CUX1: variants seen among roughly 807,000 people sequenced by gnomAD.
The protein encoded by CUX1 is protein CASP.
Under a neutral mutation model 158.8 loss-of-function variants are expected in CUX1, and 31 were observed. The observed-to-expected ratio is 0.20, with a 90% CI of 0.15 to 0.26. The LOEUF is 0.26. CUX1 is among the 10% of genes least tolerant of loss of function. The pLI is 1.00. For synonymous variants in CUX1, 879 were observed against 862.1 expected, an observed-to-expected ratio of 1.02 and a Z score of -0.34; for missense variants, 1,589 against 2,014.6, an observed-to-expected ratio of 0.79 and a Z score of 4.04.
At chr7:102,151,727 C>CAAAAAAA (rs1159017025) in intron 8 of CUX1, among the ~76,000 whole-genome samples, 4 of 38,880 alleles carry the variant, frequency 1.0e-4, no homozygotes, top group Non-Finnish European at 1.4e-4. Flanking sequence ...GACTCTGTCT[C>CAAAAAAA]AAAAAAAAAA....
rs151241171 is a variant in CUX1, at chr7:102,227,530, C to T, written c.3294C>T (p.Ser1098=). The T allele has an allele frequency of 8.5e-4, 1,374 of 1,614,122 alleles. No homozygotes were observed. Among genetic ancestry groups the T allele is most frequent in the Non-Finnish European group, 1.0e-3 (1,227 of 1,180,036 alleles). Residue 1098 remains serine, a synonymous_variant, in exon 21 of 24, where the codon TCC becomes TCT. Transcript: ENST00000292535. ...KPPEPSDPPA[S]DSQPTTPLPL... ...CAGAGCCCAGTGACCCGCCAGCATC[C>T]GACTCCCAGCCCACAACCCCGCTGC...
chr7:102,089,824 T>G (rs1554481676), intron 4 of CUX1, among the ~76,000 whole-genome samples: 1 of 152,252 alleles, frequency 6.6e-6, no homozygotes, highest in Non-Finnish European at 1.5e-5. Flanking sequence ...ATGTGTGTCC[T>G]TCAATGGACA....
chr7:102,215,181 A>G (rs560552703), intron 20 of CUX1, among the ~76,000 whole-genome samples: 15 of 151,216 alleles, frequency 9.9e-5, no homozygotes, highest in South Asian at 4.2e-4. Context: ...AAGACAGTCA[A>G]TGCTCCCCAG....
In CUX1 at chr7:102,248,270, CGA is replaced by C. The variant is rs1254855978; in HGVS notation, c.3888-140_3888-139del. 5.5e-6 allele frequency: 4 copies of C among 731,336 alleles called. No individual in the cohort carries two copies. The African/African-American group carries it at 7.6e-5, about 14-fold the overall frequency. 45.3% of individuals were successfully genotyped at this position (731,336 alleles called of 1,614,324 possible). On this transcript the variant is annotated intron_variant, in intron 23 of 23. Coordinates refer to ENST00000292535, the MANE Select transcript of CUX1 (RefSeq NM_181552.4). The surrounding 1 kb of genome is among the most constrained non-coding windows in gnomAD (Gnocchi z 5.8). ...TCTGGAGAGGGGCTGCCCCGTGGCC[CGA>C]GGGTCGCTGGAGGGGCACGGAGGGG...
intron 11 of CUX1, among the ~76,000 whole-genome samples, chr7:102,180,315 T>C (rs1040428186): frequency 1.1e-4 from 10 of 89,674 alleles, no homozygotes; most frequent in Non-Finnish European, 2.4e-4. Context: ...AGCCACTGCC[T>C]TTTTTTTTTT....
intron 3 of CUX1, among the ~76,000 whole-genome samples, chr7:102,031,049 C>G (rs1481588888): frequency 6.6e-6 from 1 of 151,606 alleles, no homozygotes; most frequent in Non-Finnish European, 1.5e-5. Flanking sequence ...TCTCCATCAC[C>G]TTCATTTCTT....
chr7:102,176,255 A>G (rs868958397), intron 10 of CUX1, among the ~76,000 whole-genome samples: 1 of 152,232 alleles, frequency 6.6e-6, no homozygotes, highest in Admixed American at 6.5e-5. Flanking sequence ...CCTGTCCCCA[A>G]ATTTGAAAAT....
rs1298768744 is a variant in CUX1 at position 102,197,247 on chromosome 7, G to C, written c.1836G>C (p.Gln612His). 1.4e-5 allele frequency: 23 copies of C among 1,614,074 alleles called. No individual in the cohort carries two copies. Among genetic ancestry groups the C allele is most frequent in the Non-Finnish European group, 1.8e-5 (21 of 1,180,058 alleles). ...AGGAGCCATTTCACAAGATGAAACA[G>C]TTCCTCTCCGATGAGCAGAACATCC... is the stretch of plus-strand genomic sequence containing the variant. ...RGKEPFHKMK[Q>H]FLSDEQNILA... Residue 612 changes from glutamine to histidine, a missense_variant, in exon 15 of 24, where the codon CAG becomes CAC. Coordinates refer to ENST00000292535, the MANE Select transcript of CUX1 (RefSeq NM_181552.4).
At chr7:102,151,219 G>C (rs951068755) in intron 8 of CUX1, among the ~76,000 whole-genome samples, 1 of 152,088 alleles carries the variant, frequency 6.6e-6, no homozygotes, top group East Asian at 1.9e-4. Flanking sequence ...TAATTCAGTG[G>C]GGGGAGGAGG....
intron 20 of CUX1, among the ~76,000 whole-genome samples, chr7:102,211,915 T>C (rs1200401586): frequency 6.6e-6 from 1 of 151,810 alleles, no homozygotes; most frequent in Non-Finnish European, 1.5e-5. Context: ...AAGTCCCGGC[T>C]GATGAGATGA....
intron 7 of CUX1, 84 bp downstream of exon 7, chr7:102,111,858 C>T (rs1830924148): frequency 5.7e-6 from 7 of 1,231,732 alleles, no homozygotes; most frequent in Admixed American, 3.8e-5. Flanking sequence ...CCCCGGTCCC[C>T]GCGGATACCT....
chr7:102,273,086 A>C (rs1444089222), intron 14 of CUX1, among the ~76,000 whole-genome samples: 1 of 152,212 alleles, frequency 6.6e-6, no homozygotes, highest in Non-Finnish European at 1.5e-5. Flanking sequence ...GTTTCTCCTA[A>C]TCCCTGACCT....
At chr7:102,141,789 A>ATTTTTTT (rs71123009) in intron 8 of CUX1, among the ~76,000 whole-genome samples, 24 of 102,566 alleles carry the variant, frequency 2.3e-4, no homozygotes, top group Admixed American at 4.8e-4. Flanking sequence ...CTCTCAGCTA[A>ATTTTTTT]TTTTTTTTTT....
chr7:101,912,801 CAG>C (rs1803647343), intron 1 of CUX1, among the ~76,000 whole-genome samples: 1 of 152,188 alleles, frequency 6.6e-6, no homozygotes, highest in Non-Finnish European at 1.5e-5. Context: ...GCTAAACCGA[CAG>C]GGTATTGCTG....
chr7:101,949,818 C>A (rs1345501231), intron 2 of CUX1, among the ~76,000 whole-genome samples: 1 of 151,920 alleles, frequency 6.6e-6, no homozygotes, highest in Non-Finnish European at 1.5e-5. Context: ...AGGCATGAGC[C>A]ACCACGCCTA....
intron 11 of CUX1, among the ~76,000 whole-genome samples, chr7:102,180,045 C>T (rs558612829): frequency 5.3e-5 from 8 of 152,188 alleles, no homozygotes; most frequent in Admixed American, 1.3e-4. Context: ...GTTTTTGAGA[C>T]GGATTTTCGC....
At chr7:102,227,717 C>G in intron 21 of CUX1, 48 bp downstream of exon 21, 1 of 1,565,666 alleles carries the variant, frequency 6.4e-7, no homozygotes, top group South Asian at 1.2e-5. Context: ...AGGGAGTTTG[C>G]AGGAGGAGCA....
In CUX1 at chr7:102,158,591, C is replaced by G; in HGVS notation, c.706C>G (p.Leu236Val). ...CGAGATTGAAATGATCATGACGGAC[C>G]TTGAAAGGGCAAACCAGGTAGGACC... Reference protein sequence around the residue: ...ADEIEMIMTDLERANQRAEVA... With the variant: ...ADEIEMIMTDVERANQRAEVA... Residue 236 changes from leucine (L) to valine (V), a missense_variant, in exon 9 of 24, where the codon CTT becomes GTT. Physicochemically the swap from Leu to Val is conservative, Grantham distance 32. Transcript: ENST00000292535. The G allele has an allele frequency of 6.2e-7, 1 of 1,613,986 alleles. No individual in the cohort carries two copies. The highest frequency in any genetic ancestry group is 8.5e-7 in the Non-Finnish European group (1 of 1,179,960).
chr7:102,057,529 C>A (rs1194491754), intron 3 of CUX1, among the ~76,000 whole-genome samples: 1 of 152,088 alleles, frequency 6.6e-6, no homozygotes, highest in African/African-American at 2.4e-5. Flanking sequence ...GCAACATGAA[C>A]AGGAGTTTGG....
Sources: allele counts gnomAD v4.1 joint callset (sites outside exome capture counted in the v4.1 genomes callset), GRCh38; gene constraint gnomAD v4.1.1; non-coding constraint Gnocchi (gnomAD v3.1); transcripts MANE v1.5; gene names NCBI Gene and HGNC (gene_info 2026-07-23, HGNC 2026-07-21).